Variants in CEP350 observed in about 807,000 individuals in gnomAD.
CEP350 encodes the protein centrosomal protein 350, also known as centrosome-associated protein 350.
CEP350 carries 126 observed loss-of-function variants against 331.8 expected under a neutral mutation model. That is an observed-to-expected ratio of 0.38 (90% CI 0.33 to 0.44). The LOEUF (loss-of-function observed/expected upper bound fraction) is 0.44, where lower values mean the gene tolerates loss of function less well. Among genes scored for constraint, CEP350 ranks in the 20% least tolerant of loss-of-function variants. The probability of loss-of-function intolerance (pLI) is 1.00; values close to 1 mark genes in which losing one functional copy is unlikely to be tolerated. For missense variants in CEP350, 3,406 were observed against 3,634.6 expected (o/e 0.94, Z 1.62); for synonymous variants, 1,200 against 1,259.5 (o/e 0.95, Z 1.00).
At chr1:180,035,034 A>G (rs908155532) in intron 16 of CEP350, among the ~76,000 whole-genome samples, 1 of 152,216 alleles carries the variant, frequency 6.6e-6, no homozygotes, top group Admixed American at 6.5e-5. Context: ...AATGAAAGGT[A>G]TCACATGAAT....
intron 17 of CEP350, 88 bp downstream of exon 17, chr1:180,037,177 C>A: frequency 2.5e-6 from 3 of 1,204,202 alleles, no homozygotes; most frequent in South Asian, 2.2e-5. Flanking sequence ...ACTACTGTGT[C>A]AAATAGAAAA....
Position 180,093,058 on chromosome 1 carries a change from C to G in CEP350, c.6953C>G (p.Ala2318Gly). 6.2e-7 allele frequency: 1 copy of G among 1,606,034 alleles called. No individual in the cohort carries two copies. The highest frequency in any genetic ancestry group is 8.5e-7 in the Non-Finnish European group (1 of 1,175,686). Residue 2318 changes from alanine (A) to glycine (G), a missense_variant, in exon 34 of 38, where the codon GCT becomes GGT. Coordinates refer to ENST00000367607, the MANE Select transcript of CEP350 (RefSeq NM_014810.5). ...ENVQKDLVGL[A>G]IENLHKSEEM... The stretch of plus-strand genomic sequence containing the variant: ...GTTCAGAAAGACCTAGTTGGATTAG[C>G]TATTGAAAATCTCCATAAAAGTGAG...
In CEP350 at chr1:180,020,731, CTCT is replaced by C. The variant is rs1286675903; in HGVS notation, c.2962_2964del (p.Leu988del). ...AGCATAGATTCAGTCAGTGAAGGGCCTCTTCTTAGTGAGGGGAGTCTCTCTGAA... is the reference window on the plus strand; with the variant it reads ...AGCATAGATTCAGTCAGTGAAGGGCCTCTTAGTGAGGGGAGTCTCTCTGAA... On this transcript the variant is annotated inframe_deletion, in exon 12 of 38. Coordinates refer to ENST00000367607, the MANE Select transcript of CEP350 (RefSeq NM_014810.5). 2 of 1,613,904 alleles carry C rather than the reference CTCT, an allele frequency of 1.2e-6. No individual in the cohort carries two copies. Among genetic ancestry groups the C allele is most frequent in the African/African-American group, 1.3e-5 (1 of 74,922 alleles).
chr1:180,024,290 A>G (rs192964448), intron 13 of CEP350, 129 bp from the exon 14 acceptor site: 120 of 744,808 alleles, frequency 1.6e-4, no homozygotes, highest in Admixed American at 1.4e-3. Flanking sequence ...AAAAAAAATA[A>G]TAAAGTGTTA....
chr1:179,990,721 A>G (rs1015859222), intron 4 of CEP350, 100 bp downstream of exon 4: 9 of 553,194 alleles, frequency 1.6e-5, no homozygotes, highest in African/African-American at 1.3e-4. Flanking sequence ...CACCTGGCTA[A>G]TCTTTTTTTA....
chr1:180,047,636 C>T (rs1211481238), intron 21 of CEP350, among the ~76,000 whole-genome samples: 2 of 151,462 alleles, frequency 1.3e-5, no homozygotes, highest in African/African-American at 4.8e-5. Context: ...GTGGCACATG[C>T]CTGTAATCCT....
chr1:180,079,223 CTT>C (rs34003535), intron 29 of CEP350, among the ~76,000 whole-genome samples: 2 of 146,150 alleles, frequency 1.4e-5, no homozygotes, highest in Admixed American at 6.8e-5. Flanking sequence ...AAACTTAACT[CTT>C]TTTTTTTTTA....
rs61603156 is a variant in CEP350 at position 179,960,000 on chromosome 1, A to C, written c.-14+4858A>C. On this transcript the variant is annotated intron_variant, in intron 1 of 37. Coordinates refer to ENST00000367607, the MANE Select transcript of CEP350 (RefSeq NM_014810.5). Reference sequence around the variant, plus strand: ...AACTGCAACTTCTAAGACCCCAAACACCTCTAATATTAAACATTGAAATAA... The same window carrying C: ...AACTGCAACTTCTAAGACCCCAAACCCCTCTAATATTAAACATTGAAATAA... Among the ~76,000 whole-genome samples, 505 of 152,220 alleles carry C rather than the reference A, an allele frequency of 3.3e-3. 1 individual carries two copies. Among genetic ancestry groups the C allele is most frequent in the African/African-American group, 0.011 (453 of 41,526 alleles).
intron 1 of CEP350, among the ~76,000 whole-genome samples, chr1:179,960,039 A>C (rs1314386234): frequency 6.6e-6 from 1 of 152,222 alleles, no homozygotes; most frequent in Non-Finnish European, 1.5e-5. Context: ...GGTCCTATGC[A>C]TACATTTAAG....
chr1:180,025,789 C>T (rs1655633347), intron 14 of CEP350, among the ~76,000 whole-genome samples: 3 of 152,036 alleles, frequency 2.0e-5, no homozygotes, highest in South Asian at 2.1e-4. Flanking sequence ...AGGACAAATA[C>T]CTAATGCATG....
intron 1 of CEP350, among the ~76,000 whole-genome samples, chr1:179,961,380 G>A (rs761275113): frequency 1.1e-4 from 16 of 152,136 alleles, no homozygotes; most frequent in Non-Finnish European, 2.1e-4. Context: ...CCTGGGAGGT[G>A]TAGGTTGCAG....
At chr1:180,110,684 A>G (rs1353821794) in intron 37 of CEP350, among the ~76,000 whole-genome samples, 1 of 152,142 alleles carries the variant, frequency 6.6e-6, no homozygotes, top group Non-Finnish European at 1.5e-5. Context: ...TTATTCTCTT[A>G]TGTTATGGAA....
intron 1 of CEP350, among the ~76,000 whole-genome samples, chr1:179,972,496 T>G (rs961911245): frequency 6.6e-6 from 1 of 151,672 alleles, no homozygotes; most frequent in African/African-American, 2.4e-5. Flanking sequence ...GGGAAAAGAG[T>G]GCTGTTTATT....
chr1:180,075,096 G>A lies in CEP350; in HGVS notation c.5642G>A (p.Arg1881His), dbSNP rs896449203. Residue 1881 changes from arginine to histidine, a missense_variant, in exon 28 of 38, where the codon CGT becomes CAT. Arg to His is a conservative substitution (Grantham distance 29). Coordinates refer to ENST00000367607, the MANE Select transcript of CEP350 (RefSeq NM_014810.5). ...HAEELLEWKR[R>H]LDAEEAEIRQ... The stretch of plus-strand genomic sequence containing the variant: ...GAGGAGCTCCTAGAGTGGAAGCGAC[G>A]TTTAGATGCAGAAGAAGCAGAAATT... 4 of 1,613,516 alleles carry A rather than the reference G, an allele frequency of 2.5e-6. No homozygotes were observed. The highest frequency in any genetic ancestry group is 1.1e-5 in the South Asian group (1 of 90,930).
chr1:180,070,000 T>C (rs926857035), intron 27 of CEP350, among the ~76,000 whole-genome samples: 2 of 152,236 alleles, frequency 1.3e-5, no homozygotes, highest in African/African-American at 4.8e-5. Flanking sequence ...TCAAGGTCAG[T>C]ACAAATAGAG....
At chr1:180,058,221 GTATAATA>G (rs1026388139) in intron 25 of CEP350, among the ~76,000 whole-genome samples, 3 of 152,174 alleles carry the variant, frequency 2.0e-5, no homozygotes, top group African/African-American at 7.2e-5. Flanking sequence ...TTGCAAGAAA[GTATAATA>G]CTGCAGGAAA....
chr1:180,059,073 C>A (rs1349904519), intron 25 of CEP350, among the ~76,000 whole-genome samples: 1 of 152,198 alleles, frequency 6.6e-6, no homozygotes, highest in Non-Finnish European at 1.5e-5. Context: ...ATTATTCTTA[C>A]AAGAGGGACA....
intron 29 of CEP350, among the ~76,000 whole-genome samples, chr1:180,079,498 C>T (rs1366526024): frequency 2.6e-5 from 4 of 151,474 alleles, no homozygotes; most frequent in Admixed American, 2.6e-4. Context: ...CATTGAAGAG[C>T]CTATTAAATA....
At chr1:180,074,908 T>C in intron 27 of CEP350, 114 bp from the exon 28 acceptor site, 1 of 840,700 alleles carries the variant, frequency 1.2e-6, no homozygotes. Flanking sequence ...AAGAGTAGTA[T>C]GAATGTTCTG....
Sources: allele counts gnomAD v4.1 joint callset (sites outside exome capture counted in the v4.1 genomes callset), GRCh38; gene constraint gnomAD v4.1.1; transcripts MANE v1.5; gene names NCBI Gene and HGNC (gene_info 2026-07-23, HGNC 2026-07-21).